Variants in XYLT1 observed in about 807,000 individuals in gnomAD.
XYLT1 encodes xylosyltransferase 1.
Under a neutral mutation model 91.3 loss-of-function variants are expected in XYLT1, and 36 were observed. The observed-to-expected ratio is 0.39, with a 90% CI of 0.30 to 0.52. The LOEUF (loss-of-function observed/expected upper bound fraction) is 0.52, where lower values mean the gene tolerates loss of function less well. Among genes scored for constraint, XYLT1 ranks in the 20% least tolerant of loss-of-function variants. The pLI is 0.68. For synonymous variants in XYLT1, 588 were observed against 532.0 expected (o/e 1.11, Z -1.45); for missense variants, 1,242 against 1,284.5 (o/e 0.97, Z 0.51).
At chr16:17,168,939 G>A (rs35509234) in intron 5 of XYLT1, among the ~76,000 whole-genome samples, 61,753 of 152,000 alleles carry the variant, frequency 0.41, 14,093 homozygotes, top group East Asian at 0.61. Context: ...TTTGTGACCC[G>A]GCACTGCCTA....
chr16:17,235,746 G>A (rs775178594), intron 3 of XYLT1, among the ~76,000 whole-genome samples: 2 of 152,140 alleles, frequency 1.3e-5, no homozygotes, highest in Admixed American at 6.5e-5. Flanking sequence ...AAAATCTGAC[G>A]TGTTGGTAAA....
intron 1 of XYLT1, among the ~76,000 whole-genome samples, chr16:17,469,075 C>T (rs1294753023): frequency 6.6e-6 from 1 of 152,214 alleles, no homozygotes; most frequent in African/African-American, 2.4e-5. Context: ...CTGCTACCCA[C>T]ACAGCAACGT....
At chr16:17,145,121 TATATGGC>T (rs1239207496) in intron 6 of XYLT1, among the ~76,000 whole-genome samples, 1 of 152,234 alleles carries the variant, frequency 6.6e-6, no homozygotes, top group Admixed American at 6.5e-5. Flanking sequence ...AGTCATACAA[TATATGGC>T]CTTTTGTGTC....
At chr16:17,113,642 C>T (rs182319436) in intron 11 of XYLT1, among the ~76,000 whole-genome samples, 1 of 152,294 alleles carries the variant, frequency 6.6e-6, no homozygotes, top group Admixed American at 6.5e-5. Flanking sequence ...CCAGAGAGGG[C>T]CCTGACACAC....
At chr16:17,302,220 C>T (rs900727063) in intron 2 of XYLT1, among the ~76,000 whole-genome samples, 3 of 151,880 alleles carry the variant, frequency 2.0e-5, no homozygotes, top group Non-Finnish European at 4.4e-5. Context: ...ACTACTACTA[C>T]TACTACTACT....
intron 2 of XYLT1, among the ~76,000 whole-genome samples, chr16:17,288,385 A>G (rs1190548541): frequency 6.6e-6 from 1 of 151,974 alleles, no homozygotes; most frequent in African/African-American, 2.4e-5. Flanking sequence ...TCATGGCAAG[A>G]GTAACGGCAG....
At chr16:17,318,010 C>T (rs1046577741) in intron 2 of XYLT1, among the ~76,000 whole-genome samples, 2 of 152,220 alleles carry the variant, frequency 1.3e-5, no homozygotes, top group African/African-American at 4.8e-5. Context: ...TCTTGTCACC[C>T]TGTTTAACCA....
intron 5 of XYLT1, among the ~76,000 whole-genome samples, chr16:17,190,993 C>T (rs916161498): frequency 6.6e-5 from 10 of 152,232 alleles, no homozygotes; most frequent in South Asian, 4.1e-4. Context: ...GTTGTCAAAA[C>T]GATGTAAACA....
chr16:17,409,574 G>C (rs891816240), intron 1 of XYLT1, among the ~76,000 whole-genome samples: 4 of 144,154 alleles, frequency 2.8e-5, no homozygotes, highest in African/African-American at 1.0e-4. Flanking sequence ...TTTTTAGATG[G>C]AGTCTCACTC....
chr16:17,109,927 T>C (rs1966830506), intron 11 of XYLT1, among the ~76,000 whole-genome samples: 1 of 152,190 alleles, frequency 6.6e-6, no homozygotes, highest in Non-Finnish European at 1.5e-5. Flanking sequence ...ACAATCACTC[T>C]GAAAGCATGA....
At chr16:17,347,066 T>G (rs2035153947) in intron 2 of XYLT1, among the ~76,000 whole-genome samples, 1 of 152,222 alleles carries the variant, frequency 6.6e-6, no homozygotes, top group South Asian at 2.1e-4. Flanking sequence ...GACCACCTGG[T>G]CTGGAGAAGC....
At chr16:17,437,544 A>T (rs1200908782) in intron 1 of XYLT1, among the ~76,000 whole-genome samples, 1 of 152,174 alleles carries the variant, frequency 6.6e-6, no homozygotes, top group African/African-American at 2.4e-5. Context: ...ATGCACTTGT[A>T]TCTACATTGC....
chr16:17,197,014 A>AATATGTATATATAT (rs2032439427), intron 5 of XYLT1, among the ~76,000 whole-genome samples: 2 of 110,504 alleles, frequency 1.8e-5, no homozygotes, highest in African/African-American at 9.0e-5. Context: ...CTGTCTCCAA[A>AATATGTATATATAT]ATATATATAT....
chr16:17,258,737 T>A (rs1442252689), intron 3 of XYLT1, among the ~76,000 whole-genome samples: 1 of 152,156 alleles, frequency 6.6e-6, no homozygotes, highest in Non-Finnish European at 1.5e-5. Context: ...TTCACTATAA[T>A]TTCATCCTTT....
At chr16:17,112,874 C>T (rs1172771880) in intron 11 of XYLT1, among the ~76,000 whole-genome samples, 4 of 151,560 alleles carry the variant, frequency 2.6e-5, no homozygotes, top group South Asian at 4.2e-4. Context: ...GAGTCTCGCT[C>T]TTGTTGCCAG....
At chr16:17,157,239 G>A (rs1001399455) in intron 6 of XYLT1, among the ~76,000 whole-genome samples, 8 of 152,212 alleles carry the variant, frequency 5.3e-5, no homozygotes, top group South Asian at 2.1e-4. Context: ...TTGAGTCACG[G>A]CACCTGGCCA....
At chr16:17,115,312 TAAAAAAAAAAA>T (rs869095502) in intron 11 of XYLT1, among the ~76,000 whole-genome samples, 3 of 48,828 alleles carry the variant, frequency 6.1e-5, no homozygotes, top group Non-Finnish European at 7.5e-5. Context: ...CAAAAATAGT[TAAAAAAAAAAA>T]AAAAAAAAAA....
At chr16:17,379,757 TCTC>T (rs2035650448) in intron 1 of XYLT1, among the ~76,000 whole-genome samples, 20 of 129,988 alleles carry the variant, frequency 1.5e-4, no homozygotes, top group African/African-American at 6.7e-4. Flanking sequence ...TCTCTCTCTC[TCTC>T]TCTCACACAC....
intron 1 of XYLT1, among the ~76,000 whole-genome samples, chr16:17,362,848 C>T (rs1032066475): frequency 2.0e-5 from 3 of 152,190 alleles, no homozygotes; most frequent in Admixed American, 1.3e-4. Context: ...CTGGAACTCA[C>T]GCCTTCAGAG....
Sources: gnomAD v4.1 joint callset for allele counts (sites outside exome capture counted in the v4.1 genomes callset) on GRCh38, gnomAD v4.1.1 for gene constraint, MANE v1.5 for transcripts, NCBI Gene and HGNC (gene_info 2026-07-23, HGNC 2026-07-21) for gene names.